Variants in SOX5 observed in about 807,000 individuals in gnomAD.
SOX5 encodes transcription factor SOX-5.
A neutral mutation model predicts 92.0 loss-of-function variants in SOX5; 9 were observed. The ratio of observed to expected loss-of-function variants is 0.10; its 90% CI spans 0.06 to 0.17. The LOEUF is 0.17. Ranked by LOEUF, SOX5 falls within the 10% of genes least tolerant of loss-of-function variation. The pLI, the probability that SOX5 is intolerant of heterozygous loss-of-function variation, is 1.00. For missense variants in SOX5, 642 were observed against 944.5 expected (o/e 0.68, Z 4.20); for synonymous variants, 344 against 336.3 (o/e 1.02, Z -0.25).
At chr12:24,373,298 C>T (rs373371755) in intron 1 of SOX5, among the ~76,000 whole-genome samples, 4 of 152,258 alleles carry the variant, frequency 2.6e-5, no homozygotes, top group African/African-American at 9.6e-5. Flanking sequence ...TACTGCAACA[C>T]TACCATATTT....
At chr12:24,294,000 C>T (rs969986195) in intron 2 of SOX5, among the ~76,000 whole-genome samples, 1 of 152,176 alleles carries the variant, frequency 6.6e-6, no homozygotes, top group African/African-American at 2.4e-5. Context: ...CCATTTATAA[C>T]ATTATTCTGA....
intron 2 of SOX5, among the ~76,000 whole-genome samples, chr12:24,356,646 C>G (rs1003187735): frequency 1.3e-5 from 2 of 152,138 alleles, no homozygotes; most frequent in Admixed American, 1.3e-4. Context: ...CATGCACAGG[C>G]CTCTCAGTCT....
chr12:24,257,703 G>A (rs1014041098), intron 3 of SOX5, among the ~76,000 whole-genome samples: 1 of 151,772 alleles, frequency 6.6e-6, no homozygotes, highest in African/African-American at 2.4e-5. Flanking sequence ...TCCTGACCTC[G>A]TGATCTGCCC....
At chr12:23,633,717 A>G (rs2078853894) in intron 8 of SOX5, among the ~76,000 whole-genome samples, 1 of 152,158 alleles carries the variant, frequency 6.6e-6, no homozygotes, top group East Asian at 1.9e-4. Flanking sequence ...TCCATTATTT[A>G]GAAATAATTT....
At chr12:24,368,357 T>C (rs1956375079) in intron 2 of SOX5, 1 of 152,158 alleles carries the variant, frequency 6.6e-6, no homozygotes, top group African/African-American at 2.4e-5. Context: ...TCTACAAAAA[T>C]TGAACCTGTT....
chr12:24,404,974 A>G (rs1962585127), intron 1 of SOX5, among the ~76,000 whole-genome samples: 1 of 152,168 alleles, frequency 6.6e-6, no homozygotes, highest in African/African-American at 2.4e-5. Context: ...GAAAAATAAT[A>G]TAAAGAGCTA....
intron 4 of SOX5, among the ~76,000 whole-genome samples, chr12:23,956,718 C>T (rs924996612): frequency 1.3e-4 from 19 of 151,912 alleles, no homozygotes; most frequent in Non-Finnish European, 2.1e-4. Flanking sequence ...CAGAGTCTCA[C>T]TTTGTCACCC....
intron 3 of SOX5, among the ~76,000 whole-genome samples, chr12:23,840,917 C>T (rs998618939): frequency 3.3e-5 from 5 of 152,152 alleles, no homozygotes; most frequent in South Asian, 4.1e-4. Context: ...AAAATCTAAG[C>T]GACCCTGGAT....
intron 1 of SOX5, among the ~76,000 whole-genome samples, chr12:24,458,987 T>A (rs1367564313): frequency 6.6e-6 from 1 of 152,112 alleles, no homozygotes; most frequent in African/African-American, 2.4e-5. Flanking sequence ...TAAGATGAAC[T>A]ACCCAAAAAG....
In SOX5 at chr12:23,637,892, G is replaced by A. The variant is rs78989494; in HGVS notation, c.1017+2920C>T. The A allele has an allele frequency of 5.1e-3, 774 of 152,516 alleles. 9 individuals carry two copies. Among genetic ancestry groups the A allele is most frequent in the South Asian group, 0.044 (210 of 4,820 alleles). The allele number at this position is 152,516 out of a possible 1,614,324, so 9.4% of individuals were successfully genotyped here. A position where few individuals can be genotyped will look rare whatever the true frequency, so the allele number is the denominator to read the frequency against. ...GAGGTGGGTTGCTGGAAAACAATGC[G>A]GTGTTTGCTGCAGGCTGAGAGGAGG... On this transcript the variant is annotated intron_variant, in intron 8 of 14. Transcript: ENST00000451604.
At chr12:24,149,127 T>G (rs1041023421) in intron 4 of SOX5, among the ~76,000 whole-genome samples, 2 of 152,038 alleles carry the variant, frequency 1.3e-5, no homozygotes, top group Non-Finnish European at 2.9e-5. Flanking sequence ...ACTAAAAAAG[T>G]TCTAGAAGAA....
At chr12:23,821,467 T>C (rs933234097) in intron 3 of SOX5, among the ~76,000 whole-genome samples, 6 of 152,232 alleles carry the variant, frequency 3.9e-5, no homozygotes, top group Non-Finnish European at 8.8e-5. Flanking sequence ...CTATGTTGAA[T>C]AGGAGTGGAG....
chr12:24,283,691 C>G (rs2140436147), intron 2 of SOX5, among the ~76,000 whole-genome samples: 1 of 152,290 alleles, frequency 6.6e-6, no homozygotes, highest in East Asian at 1.9e-4. Context: ...AACTACGTAG[C>G]TAGGGTACTC....
At chr12:24,280,153 C>G (rs1339324209) in intron 2 of SOX5, among the ~76,000 whole-genome samples, 1 of 152,134 alleles carries the variant, frequency 6.6e-6, no homozygotes, top group Non-Finnish European at 1.5e-5. Context: ...ACACCCTCTA[C>G]TTTAAAAAGG....
rs1450184269 is a variant in SOX5 at position 23,532,595 on chromosome 12, A to ACTT, written c.*1621_*1623dup. 1 of 152,260 alleles carries ACTT rather than the reference A, an allele frequency of 6.6e-6. No individual in the cohort carries two copies. The highest frequency in any genetic ancestry group is 2.4e-5 in the African/African-American group (1 of 41,454). 9.4% of individuals were successfully genotyped at this position (152,260 alleles called of 1,614,324 possible). ...AATACTCTGCTTGAACCAAAGTTGG[A>ACTT]CTTCAGTGGATTAATCTGACAGCAA... On this transcript the variant is annotated 3_prime_UTR_variant, in exon 15 of 15. Transcript: ENST00000451604.
intron 7 of SOX5, among the ~76,000 whole-genome samples, chr12:23,658,319 G>T (rs1031300796): frequency 1.3e-5 from 2 of 152,114 alleles, no homozygotes; most frequent in Non-Finnish European, 2.9e-5. Flanking sequence ...AGAAGTGGAA[G>T]ATGACTGTCA....
In SOX5 at chr12:24,440,680, ACTGG is replaced by A. The variant is rs1178891840; in HGVS notation, c.-250-72045_-250-72042del. 3.8e-3 allele frequency among the ~76,000 whole-genome samples: 565 copies of A among 150,128 alleles called. 5 individuals carry two copies. Among genetic ancestry groups the A allele is most frequent in the African/African-American group, 0.013 (526 of 40,600 alleles). On this transcript the variant is annotated intron_variant, in intron 1 of 4. Transcript: ENST00000446891. ...CACCTCAGCACCCTTAATTCTCTCTACTGGAATTTCTGTGACCATACTCTTCATC... is the reference window on the plus strand; with the variant it reads ...CACCTCAGCACCCTTAATTCTCTCTAAATTTCTGTGACCATACTCTTCATC...
At chr12:24,295,710 C>T (rs1176578035) in intron 2 of SOX5, among the ~76,000 whole-genome samples, 3 of 150,188 alleles carry the variant, frequency 2.0e-5, no homozygotes, top group Non-Finnish European at 3.0e-5. Context: ...GGATTACAGG[C>T]GCACACCAGC....
chr12:23,701,121 T>C (rs889142594), intron 6 of SOX5, among the ~76,000 whole-genome samples: 11 of 152,020 alleles, frequency 7.2e-5, no homozygotes, highest in African/African-American at 2.7e-4. Context: ...TCAGGAAATT[T>C]GAGTTGGCTT....
Sources: allele counts gnomAD v4.1 joint callset (sites outside exome capture counted in the v4.1 genomes callset), GRCh38; gene constraint gnomAD v4.1.1; transcripts MANE v1.5; gene names NCBI Gene and HGNC (gene_info 2026-07-23, HGNC 2026-07-21).